Variants in DAAM2 observed in about 807,000 individuals in gnomAD.
DAAM2 encodes disheveled-associated activator of morphogenesis 2.
A neutral mutation model predicts 120.7 loss-of-function variants in DAAM2; 39 were observed. That is an observed-to-expected ratio of 0.32 (90% CI 0.25 to 0.42). DAAM2 has a LOEUF of 0.42. Ranked by LOEUF, DAAM2 falls within the 10% of genes least tolerant of loss-of-function variation. The probability of loss-of-function intolerance (pLI) is 1.00; values close to 1 mark genes in which losing one functional copy is unlikely to be tolerated. For synonymous variants in DAAM2, 488 were observed against 524.9 expected, an observed-to-expected ratio of 0.93 and a Z score of 0.96; for missense variants, 1,283 against 1,401.7, an observed-to-expected ratio of 0.92 and a Z score of 1.35.
intron 21 of DAAM2, 80 bp from the exon 22 acceptor site, chr6:39,898,797 G>C: frequency 1.6e-6 from 2 of 1,247,318 alleles, no homozygotes; most frequent in Non-Finnish European, 2.3e-6. Context: ...GCTTGGCTCT[G>C]CCCTCTCCCT....
chr6:39,884,038 A>G lies in DAAM2; in HGVS notation c.1922A>G (p.Glu641Gly), dbSNP rs548261744. Residue 641 changes from glutamate to glycine, a missense_variant, in exon 15 of 25, where the codon GAA becomes GGA. By Grantham distance (98) the Glu-to-Gly change is moderately conservative. Around this residue, in one of 3 missense-constraint regions of DAAM2, gnomAD observed 748 missense variants for 768.6 expected, o/e 0.97. Coordinates refer to ENST00000274867, the MANE Select transcript of DAAM2 (RefSeq NM_001201427.2). ...VFRILDLEDF[E>G]KMFSAYQRHQ... ...CGGATCCTGGACCTAGAGGATTTTG[A>G]AAAGATGTTTTCAGCCTACCAGAGG... 6.2e-7 allele frequency: 1 copy of G among 1,612,400 alleles called. No homozygotes were observed. Among genetic ancestry groups the G allele is most frequent in the African/African-American group, 1.3e-5 (1 of 75,004 alleles).
intron 1 of DAAM2, among the ~76,000 whole-genome samples, chr6:39,826,898 G>A (rs1181120379): frequency 6.6e-6 from 1 of 152,102 alleles, no homozygotes; most frequent in Non-Finnish European, 1.5e-5. Context: ...GAAAATCTGA[G>A]GTGAGGAAAT....
intron 1 of DAAM2, among the ~76,000 whole-genome samples, chr6:39,848,364 A>G (rs1334554017): frequency 1.3e-5 from 2 of 152,174 alleles, no homozygotes; most frequent in African/African-American, 2.4e-5. Flanking sequence ...ATATTTGACC[A>G]TGACCTTGGA....
At chr6:39,856,220 C>T (rs1052352209) in intron 1 of DAAM2, 27 bp from the exon 2 acceptor site, 26 of 1,348,364 alleles carry the variant, frequency 1.9e-5, no homozygotes. Flanking sequence ...TATGCCTGAC[C>T]ACCCTGTGTT....
intron 7 of DAAM2, 82 bp downstream of exon 7, chr6:39,869,015 T>A: frequency 9.4e-7 from 1 of 1,062,804 alleles, no homozygotes. Flanking sequence ...GCTTCCCCAA[T>A]AATTGTTTTT....
intron 1 of DAAM2, among the ~76,000 whole-genome samples, chr6:39,829,926 G>C (rs1248035105): frequency 6.6e-6 from 1 of 152,006 alleles, no homozygotes; most frequent in Non-Finnish European, 1.5e-5. Context: ...AAGCACCTTG[G>C]TACCACCCTT....
chr6:39,800,320 C>T (rs1171348911), intron 1 of DAAM2, among the ~76,000 whole-genome samples: 1 of 152,156 alleles, frequency 6.6e-6, no homozygotes, highest in Non-Finnish European at 1.5e-5. Context: ...TCTCCTGGGC[C>T]TGGGGTAGCT....
At chr6:39,890,571 T>C (rs775300130) in intron 17 of DAAM2, among the ~76,000 whole-genome samples, 2 of 152,206 alleles carry the variant, frequency 1.3e-5, no homozygotes, top group African/African-American at 2.4e-5. Context: ...TAGAATTCAG[T>C]TGAGAGCCTA....
At chr6:39,873,827 T>A (rs1475965377) in intron 10 of DAAM2, among the ~76,000 whole-genome samples, 1 of 152,186 alleles carries the variant, frequency 6.6e-6, no homozygotes, top group African/African-American at 2.4e-5. Flanking sequence ...TGCCTACAAA[T>A]ACCAAATGTC....
chr6:39,801,788 T>C (rs908744230), intron 1 of DAAM2, among the ~76,000 whole-genome samples: 4 of 152,232 alleles, frequency 2.6e-5, no homozygotes, highest in Non-Finnish European at 4.4e-5. Context: ...TCACAGCTCA[T>C]GTCTGACCAC....
chr6:39,842,296 T>C (rs533063130), intron 1 of DAAM2, among the ~76,000 whole-genome samples: 9 of 152,338 alleles, frequency 5.9e-5, no homozygotes, highest in African/African-American at 1.7e-4. Flanking sequence ...GCTATTCTCA[T>C]GGACTCAGAG....
At chr6:39,817,110 C>A (rs993778446) in intron 1 of DAAM2, among the ~76,000 whole-genome samples, 2 of 152,188 alleles carry the variant, frequency 1.3e-5, no homozygotes, top group African/African-American at 4.8e-5. Flanking sequence ...TGCACTTACA[C>A]AACTGTGGCT....
chr6:39,825,491 C>A (rs1011859836), intron 1 of DAAM2, among the ~76,000 whole-genome samples: 1 of 151,730 alleles, frequency 6.6e-6, no homozygotes. Context: ...TAAGCATACT[C>A]CTGTAAAGTA....
At chr6:39,897,511 C>G (rs1182448517) in intron 21 of DAAM2, 32 of 356,640 alleles carry the variant, frequency 9.0e-5, no homozygotes, top group South Asian at 8.9e-4. Context: ...AGACAGTACA[C>G]CCTGAGAGAG....
At chr6:39,798,500 G>A (rs1413494853) in intron 1 of DAAM2, among the ~76,000 whole-genome samples, 3 of 152,210 alleles carry the variant, frequency 2.0e-5, no homozygotes, top group East Asian at 1.9e-4. Flanking sequence ...CAGTCAGTAA[G>A]CTTGTGTGAA....
At chr6:39,900,524 CAA>C (rs2149381857) in intron 23 of DAAM2, among the ~76,000 whole-genome samples, 1 of 152,280 alleles carries the variant, frequency 6.6e-6, no homozygotes, top group African/African-American at 2.4e-5. Flanking sequence ...GTAACTTGCC[CAA>C]GATTGCCCAG....
chr6:39,829,635 C>T (rs1171443988), intron 1 of DAAM2, among the ~76,000 whole-genome samples: 1 of 152,160 alleles, frequency 6.6e-6, no homozygotes, highest in Non-Finnish European at 1.5e-5. Context: ...GTCCCTGGGT[C>T]AGTAGTGATC....
chr6:39,820,822 A>G (rs750060420), intron 1 of DAAM2: 3 of 152,240 alleles, frequency 2.0e-5, no homozygotes, highest in Non-Finnish European at 4.4e-5. Context: ...CCTACCTCCT[A>G]AAGTTCCTAT....
chr6:39,850,363 C>T (rs1260486724), intron 1 of DAAM2, among the ~76,000 whole-genome samples: 1 of 152,168 alleles, frequency 6.6e-6, no homozygotes, highest in African/African-American at 2.4e-5. Flanking sequence ...CTTTACCCCC[C>T]ACCTCCCAGG....
Sources: allele counts gnomAD v4.1 joint callset (sites outside exome capture counted in the v4.1 genomes callset), GRCh38; gene constraint gnomAD v4.1.1; regional missense constraint gnomAD v4.1.1; transcripts MANE v1.5; gene names NCBI Gene and HGNC (gene_info 2026-07-23, HGNC 2026-07-21).